The following WDPCP variants were observed in gnomAD, a reference collection of about 807,000 sequenced individuals.
WDPCP encodes WD repeat-containing and planar cell polarity effector protein fritz homolog.
A neutral mutation model predicts 93.1 loss-of-function variants in WDPCP; 71 were observed. That is an observed-to-expected ratio of 0.76 (90% confidence interval 0.63 to 0.93). The LOEUF (loss-of-function observed/expected upper bound fraction) is 0.93, where lower values mean the gene tolerates loss of function less well. Ranked by LOEUF, WDPCP falls within the 40% of genes least tolerant of loss-of-function variation. The pLI is 0.00. For missense variants in WDPCP, 844 were observed against 887.4 expected, an observed-to-expected ratio of 0.95 and a Z score of 0.62; for synonymous variants, 315 against 315.0, an observed-to-expected ratio of 1.00 and a Z score of 0.00.
At chr2:63,302,483 C>T (rs1246726116) in intron 13 of WDPCP, among the ~76,000 whole-genome samples, 1 of 152,010 alleles carries the variant, frequency 6.6e-6, no homozygotes, top group African/African-American at 2.4e-5. Context: ...AATGTTCTTC[C>T]AACTTTGGAA....
chr2:63,409,886 G>A (rs780744477), intron 9 of WDPCP, among the ~76,000 whole-genome samples: 8 of 152,140 alleles, frequency 5.3e-5, no homozygotes, highest in Non-Finnish European at 8.8e-5. Context: ...CTGGGATCAC[G>A]TTAAATGACC....
intron 12 of WDPCP, among the ~76,000 whole-genome samples, chr2:63,364,822 A>C (rs952527748): frequency 6.6e-6 from 1 of 152,196 alleles, no homozygotes; most frequent in South Asian, 2.1e-4. Context: ...TTCAGACTGC[A>C]TGCTCCAAAA....
chr2:63,622,574 C>T, intron 3 of WDPCP: 1 of 1,613,882 alleles, frequency 6.2e-7, no homozygotes, highest in Non-Finnish European at 8.5e-7. Context: ...TCTGTGGGTC[C>T]ACAATAGAGT....
intron 3 of WDPCP, chr2:63,622,535 G>T: frequency 6.2e-7 from 1 of 1,613,936 alleles, no homozygotes; most frequent in Non-Finnish European, 8.5e-7. Context: ...CGTGGTTGAT[G>T]TTCCAGGTGA....
chr2:63,245,613 T>A (rs1170058210), intron 14 of WDPCP, among the ~76,000 whole-genome samples: 3 of 152,118 alleles, frequency 2.0e-5, no homozygotes, highest in Non-Finnish European at 4.4e-5. Flanking sequence ...ATGTATTGAG[T>A]AGATCCATCA....
At chr2:63,668,959 A>G (rs895850727) in intron 2 of WDPCP, among the ~76,000 whole-genome samples, 1 of 152,196 alleles carries the variant, frequency 6.6e-6, no homozygotes, top group African/African-American at 2.4e-5. Context: ...GAGAAAGCAC[A>G]GGATTTGGGA....
chr2:63,551,252 A>G (rs1237195322), intron 1 of WDPCP, among the ~76,000 whole-genome samples: 1 of 152,182 alleles, frequency 6.6e-6, no homozygotes, highest in Admixed American at 6.5e-5. Flanking sequence ...TCCACTAGTA[A>G]AAAATATGAC....
intron 1 of WDPCP, among the ~76,000 whole-genome samples, chr2:63,530,548 A>G (rs1338774114): frequency 1.3e-5 from 2 of 152,120 alleles, no homozygotes; most frequent in African/African-American, 4.8e-5. Context: ...GGCCCTTTTC[A>G]TGTCACTTTA....
At chr2:63,287,445 T>C (rs1321776509) in intron 13 of WDPCP, among the ~76,000 whole-genome samples, 1 of 151,130 alleles carries the variant, frequency 6.6e-6, no homozygotes, top group East Asian at 1.9e-4. Context: ...ACCCTAATTA[T>C]TCATCCTTGC....
intron 2 of WDPCP, among the ~76,000 whole-genome samples, chr2:63,689,692 C>T (rs6723088): frequency 0.42 from 63,996 of 151,894 alleles, 14,613 homozygotes; most frequent in African/African-American, 0.59. Context: ...AAAGTAGGCC[C>T]GATCCAACAT....
At chr2:63,642,941 A>T (rs1233590672) in intron 3 of WDPCP, 1 of 152,222 alleles carries the variant, frequency 6.6e-6, no homozygotes, top group Non-Finnish European at 1.5e-5. Context: ...ATTTAGTATG[A>T]TACTAGCTGT....
intron 2 of WDPCP, among the ~76,000 whole-genome samples, chr2:63,682,622 T>C (rs1260437142): frequency 5.9e-5 from 9 of 152,022 alleles, no homozygotes; most frequent in African/African-American, 9.7e-5. Context: ...AGAAAGTTTA[T>C]TCAAATGGAT....
At chr2:63,349,315 T>C (rs1405746340) in intron 12 of WDPCP, among the ~76,000 whole-genome samples, 2 of 152,138 alleles carry the variant, frequency 1.3e-5, no homozygotes, top group Non-Finnish European at 2.9e-5. Context: ...GATCTTAGTT[T>C]AAATGTATAG....
Position 63,382,893 on chromosome 2 carries a change from C to T in WDPCP, c.1436-799G>A, listed in dbSNP as rs191253464. ...TGTTGGTAAAATCAAAGAATGTGAC[C>T]GTCCAACAGCCTTCATGAGCCTGCA... On this transcript the variant is annotated intron_variant, in intron 10 of 17. Coordinates refer to ENST00000272321, the MANE Select transcript of WDPCP (RefSeq NM_015910.7). Among the ~76,000 whole-genome samples, 16 of 152,132 alleles carry T rather than the reference C, an allele frequency of 1.1e-4. No homozygotes were observed. In the East Asian group the frequency reaches 2.3e-3, roughly 22 times the overall value.
At chr2:63,700,282 CA>C (rs1196006011) in intron 2 of WDPCP, among the ~76,000 whole-genome samples, 808 of 41,572 alleles carry the variant, frequency 0.019, no homozygotes, top group African/African-American at 0.049. Flanking sequence ...GACCCTGTCT[CA>C]AAAAAAAAAA....
upstream of WDPCP, among the ~76,000 whole-genome samples, chr2:63,591,589 C>G (rs1204924186): frequency 6.6e-6 from 1 of 152,246 alleles, no homozygotes; most frequent in East Asian, 1.9e-4. Flanking sequence ...GATCTTCACT[C>G]TCTTCAGCCC....
intron 2 of WDPCP, among the ~76,000 whole-genome samples, chr2:63,669,363 AT>A (rs1485199130): frequency 1.6e-5 from 1 of 61,714 alleles, no homozygotes; most frequent in Admixed American, 2.0e-4. Context: ...ATTTTATTTT[AT>A]TTTATTTTTT....
rs1284287032 is a variant in WDPCP, at chr2:63,588,446, C to G, written c.-175G>C. 1.4e-6 allele frequency: 1 copy of G among 727,700 alleles called. No individual in the cohort carries two copies. The highest frequency in any genetic ancestry group is 2.7e-5 in the East Asian group (1 of 37,236). 45.1% of individuals were successfully genotyped at this position (727,700 alleles called of 1,614,324 possible). On this transcript the variant is annotated 5_prime_UTR_variant, in exon 1 of 18. Transcript: ENST00000272321. Reference sequence around the variant, plus strand: ...GCGCTCCCGCCTCGTCGCTTAGCAACCTGAGAAGCTGTCCGGTCGTCCCAA... The same window carrying G: ...GCGCTCCCGCCTCGTCGCTTAGCAAGCTGAGAAGCTGTCCGGTCGTCCCAA...
chr2:63,470,959 C>T (rs1299923343), intron 6 of WDPCP, among the ~76,000 whole-genome samples: 1 of 152,134 alleles, frequency 6.6e-6, no homozygotes, highest in Non-Finnish European at 1.5e-5. Context: ...CCCTCACTTC[C>T]TTCATATCTT....
Sources: allele counts gnomAD v4.1 joint callset (sites outside exome capture counted in the v4.1 genomes callset), GRCh38; gene constraint gnomAD v4.1.1; transcripts MANE v1.5; gene names NCBI Gene and HGNC (gene_info 2026-07-23, HGNC 2026-07-21).